Variants in RORA observed in about 807,000 individuals in gnomAD.
RORA encodes the protein nuclear receptor ROR-alpha.
Under a neutral mutation model 69.5 loss-of-function variants are expected in RORA, and 7 were observed. The observed-to-expected ratio is 0.10, with a 90% CI of 0.06 to 0.19. RORA has a LOEUF of 0.19. RORA is among the 10% of genes least tolerant of loss of function. RORA has a pLI of 1.00. For missense variants in RORA, 457 were observed against 663.0 expected, an observed-to-expected ratio of 0.69 and a Z score of 3.41; for synonymous variants, 261 against 240.8, an observed-to-expected ratio of 1.08 and a Z score of -0.78.
intron 1 of RORA, among the ~76,000 whole-genome samples, chr15:60,927,111 TG>T (rs1892242209): frequency 1.3e-5 from 2 of 150,778 alleles, no homozygotes; most frequent in East Asian, 3.9e-4. Context: ...TCCAAACAGT[TG>T]AAATGAATTT....
intron 1 of RORA, among the ~76,000 whole-genome samples, chr15:60,924,600 C>A (rs1186469240): frequency 6.6e-6 from 1 of 152,096 alleles, no homozygotes; most frequent in Non-Finnish European, 1.5e-5. Context: ...CTGGCCCTTT[C>A]TATCCTCAGA....
At chr15:60,756,936 A>G (rs1196830698) in intron 1 of RORA, among the ~76,000 whole-genome samples, 1 of 152,224 alleles carries the variant, frequency 6.6e-6, no homozygotes, top group Non-Finnish European at 1.5e-5. Flanking sequence ...GAACTCATTC[A>G]GAATTTATTA....
intron 2 of RORA, chr15:60,630,603 G>A (rs1395893222): frequency 6.6e-6 from 1 of 152,218 alleles, no homozygotes. Context: ...CAAAAAGAAT[G>A]GCTGCACTTG....
At chr15:60,716,497 A>G (rs1217012331) in intron 1 of RORA, among the ~76,000 whole-genome samples, 1 of 152,224 alleles carries the variant, frequency 6.6e-6, no homozygotes, top group Admixed American at 6.5e-5. Flanking sequence ...CATCTGTAAT[A>G]TGGAGCTAAG....
At position 60,975,249 on chromosome 15, in the gene RORA, C is replaced by A. The variant is rs555047181; in HGVS notation, c.166+253804G>T. 3.9e-5 allele frequency among the ~76,000 whole-genome samples: 6 copies of A among 152,286 alleles called. No homozygotes were observed. The South Asian group carries it at 1.0e-3, about 26-fold the overall frequency. On this transcript the variant is annotated intron_variant, in intron 1 of 10. Coordinates refer to ENST00000335670, the MANE Select transcript of RORA (RefSeq NM_134261.3). ...GGGCAGGGAGTAATGGGGGCCTAAACAATTTCAATCCGTCATAACATACAT... is the reference window on the plus strand; with the variant it reads ...GGGCAGGGAGTAATGGGGGCCTAAAAAATTTCAATCCGTCATAACATACAT...
intron 1 of RORA, among the ~76,000 whole-genome samples, chr15:61,135,635 C>G (rs1218297860): frequency 6.8e-6 from 1 of 146,034 alleles, no homozygotes; most frequent in Non-Finnish European, 1.5e-5. Flanking sequence ...CATGCGGCTA[C>G]AAGATTCCAG....
intron 1 of RORA, among the ~76,000 whole-genome samples, chr15:60,899,381 T>G (rs1012077348): frequency 3.3e-5 from 5 of 152,208 alleles, no homozygotes; most frequent in African/African-American, 9.7e-5. Context: ...AGCTCTTATC[T>G]GATTGAAATG....
chr15:60,709,959 C>G (rs938627723), intron 1 of RORA, among the ~76,000 whole-genome samples: 4 of 152,084 alleles, frequency 2.6e-5, no homozygotes, highest in African/African-American at 9.7e-5. Flanking sequence ...ACATGTGAGG[C>G]AGTGGCTGCA....
intron 2 of RORA, among the ~76,000 whole-genome samples, chr15:60,632,712 T>A (rs2069765082): frequency 1.3e-5 from 2 of 152,132 alleles, no homozygotes; most frequent in African/African-American, 4.8e-5. Flanking sequence ...TCGGGTGTCC[T>A]ACTTATCATT....
intron 1 of RORA, among the ~76,000 whole-genome samples, chr15:60,841,878 G>T (rs762771352): frequency 6.6e-6 from 1 of 152,196 alleles, no homozygotes; most frequent in African/African-American, 2.4e-5. Flanking sequence ...AGAAAAGCAG[G>T]ATACAAATGA....
chr15:61,040,057 G>T (rs72754767), intron 1 of RORA, among the ~76,000 whole-genome samples: 3,354 of 138,366 alleles, frequency 0.024, 67 homozygotes, highest in Non-Finnish European at 0.036. Flanking sequence ...TTCGTAAATT[G>T]TGTGTATCAC....
chr15:61,163,191 A>G (rs2079510933), intron 1 of RORA, among the ~76,000 whole-genome samples: 1 of 152,150 alleles, frequency 6.6e-6, no homozygotes, highest in Admixed American at 6.6e-5. Flanking sequence ...ATACATTTGC[A>G]TCCATCAGTT....
chr15:60,911,123 C>T (rs1363287189), intron 1 of RORA, among the ~76,000 whole-genome samples: 1 of 114,616 alleles, frequency 8.7e-6, no homozygotes, highest in Non-Finnish European at 1.7e-5. Flanking sequence ...TTAGTAGAAA[C>T]AGGATTTCAC....
intron 1 of RORA, among the ~76,000 whole-genome samples, chr15:61,099,861 G>A (rs1448095992): frequency 1.3e-5 from 2 of 152,180 alleles, no homozygotes; most frequent in Admixed American, 1.3e-4. Flanking sequence ...AATGAAATTC[G>A]TTTGTAGGAC....
At chr15:60,879,175 A>G (rs2073651961) in intron 1 of RORA, among the ~76,000 whole-genome samples, 2 of 152,228 alleles carry the variant, frequency 1.3e-5, no homozygotes, top group African/African-American at 4.8e-5. Context: ...GCAAAGAATG[A>G]TCACCTATCT....
intron 1 of RORA, among the ~76,000 whole-genome samples, chr15:61,069,616 G>A (rs1395280349): frequency 6.6e-6 from 1 of 151,598 alleles, no homozygotes; most frequent in Non-Finnish European, 1.5e-5. Context: ...AAACCCCACG[G>A]ACCCAGTTCA....
At chr15:60,697,142 C>T (rs1206235373) in intron 1 of RORA, among the ~76,000 whole-genome samples, 1 of 152,196 alleles carries the variant, frequency 6.6e-6, no homozygotes, top group Non-Finnish European at 1.5e-5. Flanking sequence ...TGCCACAATA[C>T]ACAGGGCGAG....
intron 2 of RORA, among the ~76,000 whole-genome samples, chr15:60,656,589 C>T (rs146448731): frequency 2.2e-4 from 34 of 152,096 alleles, no homozygotes; most frequent in Admixed American, 2.0e-3. Context: ...TTGCAAGATT[C>T]CTCGAAACCA....
chr15:61,060,731 CA>C (rs2078172066), intron 1 of RORA, among the ~76,000 whole-genome samples: 1 of 152,104 alleles, frequency 6.6e-6, no homozygotes, highest in South Asian at 2.1e-4. Context: ...AATCTTACAT[CA>C]AGACAATGGA....
Sources: allele counts gnomAD v4.1 joint callset (sites outside exome capture counted in the v4.1 genomes callset), GRCh38; gene constraint gnomAD v4.1.1; transcripts MANE v1.5; gene names NCBI Gene and HGNC (gene_info 2026-07-23, HGNC 2026-07-21).